The following SOS1 variants were observed in gnomAD, a reference collection of about 807,000 sequenced individuals.
SOS1 encodes the protein son of sevenless homolog 1.
A neutral mutation model predicts 157.6 loss-of-function variants in SOS1; 25 were observed. The observed-to-expected ratio is 0.16, with a 90% CI of 0.12 to 0.22. The LOEUF is 0.22. Among genes scored for constraint, SOS1 ranks in the 10% least tolerant of loss-of-function variants. SOS1 has a pLI of 1.00. For synonymous variants in SOS1, 528 were observed against 534.0 expected (o/e 0.99, Z 0.16); for missense variants, 1,237 against 1,599.1 (o/e 0.77, Z 3.86).
At chr2:39,001,000 T>G (rs552480100) in intron 17 of SOS1, among the ~76,000 whole-genome samples, 1 of 152,214 alleles carries the variant, frequency 6.6e-6, no homozygotes, top group Admixed American at 6.5e-5. Flanking sequence ...GCAAAGCCAA[T>G]GCTAAAGGCT....
Position 39,022,630 on chromosome 2 carries a change from T to C in SOS1, c.1798A>G (p.Ile600Val), listed in dbSNP as rs373139450. ...TTAATAACAGTTCCTGCTTTGATAA[T>C]TGGAATTCCAGCCTTGGGCTGCATG... ...ENMQPKAGIP[I>V]IKAGTVIKLI... The change falls in exon 10 of 23, where the codon ATT (isoleucine) becomes GTT (valine). Residue 600 changes from isoleucine to valine, a missense_variant. By Grantham distance (29) the Ile-to-Val change is conservative. Transcript: ENST00000402219. 1.9e-6 allele frequency: 3 copies of C among 1,613,340 alleles called. No homozygotes were observed. Among genetic ancestry groups the C allele is most frequent in the African/African-American group, 2.7e-5 (2 of 74,894 alleles).
chr2:39,008,951 C>CA (rs758821376), intron 15 of SOS1, among the ~76,000 whole-genome samples: 2 of 88,792 alleles, frequency 2.3e-5, no homozygotes, highest in Non-Finnish European at 4.0e-5. Context: ...ATGACTCTTA[C>CA]AAGGGGTGGG....
chr2:39,025,394 G>A (rs1247939350), intron 8 of SOS1, among the ~76,000 whole-genome samples: 4 of 151,596 alleles, frequency 2.6e-5, no homozygotes, highest in Admixed American at 2.6e-4. Context: ...CTGTACCCCA[G>A]GCTAGGGTGC....
At chr2:39,074,983 TTG>T (rs1671921035) in intron 1 of SOS1, among the ~76,000 whole-genome samples, 1 of 151,726 alleles carries the variant, frequency 6.6e-6, no homozygotes, top group South Asian at 2.1e-4. Flanking sequence ...AAGGCGCAGG[TTG>T]TATATCATGC....
chr2:39,094,570 G>A lies in SOS1; in HGVS notation c.87+25766C>T, dbSNP rs564066184. 1.1e-4 allele frequency among the ~76,000 whole-genome samples: 17 copies of A among 152,156 alleles called. 1 individual carries two copies. In the South Asian group the frequency reaches 2.5e-3, roughly 22 times the overall value. On this transcript the variant is annotated intron_variant, in intron 1 of 22. Transcript: ENST00000402219. ...CTGAGGCAGAGAACTGCTTGAACCC[G>A]GGAGGCTGGGAGGCGCAGGCTGCAG...
intron 1 of SOS1, among the ~76,000 whole-genome samples, chr2:39,117,232 G>A (rs182112286): frequency 5.3e-4 from 81 of 152,174 alleles, no homozygotes; most frequent in African/African-American, 1.8e-3. Context: ...GTTTCACCAC[G>A]TTGGCCAGGC....
intron 1 of SOS1, among the ~76,000 whole-genome samples, chr2:39,069,270 G>A (rs907991788): frequency 6.9e-6 from 1 of 145,232 alleles, no homozygotes; most frequent in Admixed American, 7.1e-5. Context: ...ACCTACTCCA[G>A]AGGCTGAGGT....
intron 1 of SOS1, among the ~76,000 whole-genome samples, chr2:39,076,121 C>G (rs915935504): frequency 8.5e-5 from 13 of 152,054 alleles, no homozygotes; most frequent in Non-Finnish European, 1.6e-4. Flanking sequence ...GCAAAAGTAG[C>G]AAACTTGGCC....
chr2:39,015,437 A>G (rs1329682616), intron 10 of SOS1, among the ~76,000 whole-genome samples: 5 of 152,088 alleles, frequency 3.3e-5, no homozygotes, highest in Non-Finnish European at 7.4e-5. Context: ...ATTAAATGTG[A>G]TAGAATATGT....
intron 1 of SOS1, among the ~76,000 whole-genome samples, chr2:39,090,682 C>T (rs561806603): frequency 3.1e-4 from 47 of 152,064 alleles, no homozygotes; most frequent in African/African-American, 8.2e-4. Flanking sequence ...AGCGACAGAA[C>T]GAGCCTCTAT....
intron 6 of SOS1, among the ~76,000 whole-genome samples, chr2:39,043,255 T>C (rs898011187): frequency 3.9e-5 from 6 of 152,202 alleles, no homozygotes; most frequent in African/African-American, 1.4e-4. Context: ...CCTACTAAAG[T>C]AGAATACTAC....
At chr2:39,039,884 T>C (rs1670497448) in intron 6 of SOS1, among the ~76,000 whole-genome samples, 1 of 152,260 alleles carries the variant, frequency 6.6e-6, no homozygotes, top group South Asian at 2.1e-4. Context: ...TGGATTTGCC[T>C]ATTCTGGATA....
Position 39,007,109 on chromosome 2 carries a change from C to T in SOS1, c.2595G>A (p.Leu865=). The change falls in exon 16 of 23, where the codon TTG becomes TTA. Residue 865 remains leucine, a synonymous_variant. Coordinates refer to ENST00000402219, the MANE Select transcript of SOS1 (RefSeq NM_005633.4). ...CCTCAAGGACACCATTAAAGTTGTTCAACTCTTGAAAGACTTGTAGAATCT... is the reference window on the plus strand; with the variant it reads ...CCTCAAGGACACCATTAAAGTTGTTTAACTCTTGAAAGACTTGTAGAATCT... ...IIEILQVFQE[L]NNFNGVLEVV... is the part of the protein sequence containing the mutation. 1.2e-6 allele frequency: 2 copies of T among 1,606,874 alleles called. No homozygotes were observed. The highest frequency in any genetic ancestry group is 1.7e-6 in the Non-Finnish European group (2 of 1,173,512).
chr2:39,102,142 T>C (rs1297320926), intron 1 of SOS1, among the ~76,000 whole-genome samples: 4 of 131,024 alleles, frequency 3.1e-5, no homozygotes, highest in Non-Finnish European at 6.2e-5. Flanking sequence ...GAGGCAGAGG[T>C]TGCAGTGAGC....
chr2:39,061,431 G>C lies in SOS1; in HGVS notation c.214-2627C>G, dbSNP rs538957170. On this transcript the variant is annotated intron_variant, in intron 2 of 22. Coordinates refer to ENST00000402219, the MANE Select transcript of SOS1 (RefSeq NM_005633.4). ...GGAACAGGGTCTCGATCTATCACCC[G>C]AGCTGGAGTGCAATGATGCAATCAT... Among the ~76,000 whole-genome samples, 77 of 151,772 alleles carry C rather than the reference G, an allele frequency of 5.1e-4. 2 individuals carry two copies. The South Asian group carries it at 0.014, about 28-fold the overall frequency.
chr2:39,083,894 A>G (rs1207467549), intron 1 of SOS1, among the ~76,000 whole-genome samples: 1 of 152,224 alleles, frequency 6.6e-6, no homozygotes, highest in African/African-American at 2.4e-5. Flanking sequence ...TGAAGCCCTA[A>G]GCCCCAGCAC....
chr2:39,083,054 T>C (rs1572879594), intron 1 of SOS1, among the ~76,000 whole-genome samples: 1 of 152,122 alleles, frequency 6.6e-6, no homozygotes, highest in Non-Finnish European at 1.5e-5. Flanking sequence ...ATAAAATTGG[T>C]TTTTGTTTAT....
intron 10 of SOS1, among the ~76,000 whole-genome samples, chr2:39,017,277 A>T (rs1349100215): frequency 6.6e-6 from 1 of 152,052 alleles, no homozygotes; most frequent in Non-Finnish European, 1.5e-5. Context: ...CAGCTGTGAG[A>T]TCTAAATATA....
At chr2:39,021,790 A>T (rs1175438566) in intron 10 of SOS1, among the ~76,000 whole-genome samples, 1 of 151,678 alleles carries the variant, frequency 6.6e-6, no homozygotes, top group Admixed American at 6.6e-5. Context: ...TTGCAATCAC[A>T]AATTTTGGGT....
Sources: gnomAD v4.1 joint callset for allele counts (sites outside exome capture counted in the v4.1 genomes callset) on GRCh38, gnomAD v4.1.1 for gene constraint, MANE v1.5 for transcripts, NCBI Gene and HGNC (gene_info 2026-07-23, HGNC 2026-07-21) for gene names.